Variants in ARB2A observed in about 807,000 individuals in gnomAD.
ARB2A encodes cotranscriptional regulator ARB2A.
At chr5:93,760,221 C>T in the ARB2A span, among the ~76,000 whole-genome samples, 4 of 152,092 alleles carry the variant, frequency 2.6e-5, no homozygotes, top group African/African-American at 7.2e-5. Context: ...ACAAGAAAAA[C>T]TTCAAAACAC....
chr5:93,920,135 C>T, the ARB2A span, among the ~76,000 whole-genome samples: 2 of 152,136 alleles, frequency 1.3e-5, no homozygotes, highest in Non-Finnish European at 1.5e-5. Flanking sequence ...GTAGTATAAA[C>T]CACTATATAC....
chr5:93,783,495 G>A, the ARB2A span, among the ~76,000 whole-genome samples: 2 of 152,024 alleles, frequency 1.3e-5, no homozygotes, highest in African/African-American at 4.8e-5. Context: ...CATGAAGGCT[G>A]GTAGAATTTA....
At chr5:93,961,504 G>A in the ARB2A span, among the ~76,000 whole-genome samples, 1 of 152,134 alleles carries the variant, frequency 6.6e-6, no homozygotes, top group Non-Finnish European at 1.5e-5. Flanking sequence ...GGGCAACATA[G>A]TGAGACCCTG....
the ARB2A span, among the ~76,000 whole-genome samples, chr5:93,723,239 A>T: frequency 2.0e-5 from 3 of 152,166 alleles, no homozygotes; most frequent in Non-Finnish European, 4.4e-5. Flanking sequence ...GCTGGGGGAT[A>T]GGATGCCCTA....
chr5:93,781,260 T>C, the ARB2A span, among the ~76,000 whole-genome samples: 2 of 152,186 alleles, frequency 1.3e-5, no homozygotes, highest in East Asian at 3.8e-4. Flanking sequence ...TGAGAACATG[T>C]GGTATTTGAC....
chr5:93,708,100 T>A, the ARB2A span, among the ~76,000 whole-genome samples: 1 of 152,196 alleles, frequency 6.6e-6, no homozygotes, highest in African/African-American at 2.4e-5. Context: ...TACATGTATT[T>A]TTTTTCCTCT....
At chr5:93,991,487 T>C in the ARB2A span, among the ~76,000 whole-genome samples, 28 of 151,852 alleles carry the variant, frequency 1.8e-4, no homozygotes, top group Admixed American at 3.9e-4. Flanking sequence ...TGATAGAGAT[T>C]ATGAAATTAG....
the ARB2A span, among the ~76,000 whole-genome samples, chr5:93,941,989 C>T: frequency 6.6e-6 from 1 of 152,078 alleles, no homozygotes; most frequent in Non-Finnish European, 1.5e-5. Flanking sequence ...TACAGAATGG[C>T]TTATCATATC....
the ARB2A span, among the ~76,000 whole-genome samples, chr5:93,747,264 A>AT: frequency 1.3e-5 from 2 of 152,056 alleles, no homozygotes; most frequent in Non-Finnish European, 2.9e-5. Flanking sequence ...AATTATTATT[A>AT]TTTTTTTAAA....
the ARB2A span, among the ~76,000 whole-genome samples, chr5:94,107,056 A>G: frequency 2.8e-3 from 421 of 152,144 alleles, 2 homozygotes; most frequent in African/African-American, 9.9e-3. Context: ...CCCCTGAACT[A>G]AAATAAAAGT....
chr5:93,764,519 T>C, the ARB2A span, among the ~76,000 whole-genome samples: 3 of 152,198 alleles, frequency 2.0e-5, no homozygotes, highest in Non-Finnish European at 2.9e-5. Flanking sequence ...AATCTCTGAA[T>C]AGACCAATAA....
At chr5:93,970,729 ACT>A in the ARB2A span, among the ~76,000 whole-genome samples, 1 of 152,058 alleles carries the variant, frequency 6.6e-6, no homozygotes, top group Admixed American at 6.5e-5. Flanking sequence ...TGATAATAAC[ACT>A]CTGTTTTCTG....
At chr5:94,088,172 G>C in the ARB2A span, among the ~76,000 whole-genome samples, 1 of 152,142 alleles carries the variant, frequency 6.6e-6, no homozygotes, top group Non-Finnish European at 1.5e-5. Flanking sequence ...AACAGGTACT[G>C]AGTAAACCTC....
chr5:93,964,405 C>T, the ARB2A span: 1 of 1,311,588 alleles, frequency 7.6e-7, no homozygotes, highest in Non-Finnish European at 1.1e-6. Context: ...AACTATTTTA[C>T]TTGGAAATAA....
chr5:94,072,289 T>C, the ARB2A span, among the ~76,000 whole-genome samples: 1 of 152,076 alleles, frequency 6.6e-6, no homozygotes, highest in African/African-American at 2.4e-5. Flanking sequence ...CTTCTGTATC[T>C]TGAATGTTTG....
chr5:93,802,115 T>C, the ARB2A span, among the ~76,000 whole-genome samples: 1 of 152,020 alleles, frequency 6.6e-6, no homozygotes, highest in Non-Finnish European at 1.5e-5. Context: ...AAAATTCAAA[T>C]ATTAAAAAAC....
the ARB2A span, among the ~76,000 whole-genome samples, chr5:94,023,164 A>C: frequency 6.6e-6 from 1 of 152,232 alleles, no homozygotes; most frequent in Non-Finnish European, 1.5e-5. Context: ...ACAAAATTGC[A>C]GTCAACCATT....
chr5:94,030,994 T>A, the ARB2A span, among the ~76,000 whole-genome samples: 1 of 152,208 alleles, frequency 6.6e-6, no homozygotes, highest in Non-Finnish European at 1.5e-5. Flanking sequence ...GTCTCCAGAA[T>A]TGTGAGCCAA....
the ARB2A span, among the ~76,000 whole-genome samples, chr5:93,814,266 C>G: frequency 6.6e-6 from 1 of 152,030 alleles, no homozygotes; most frequent in South Asian, 2.1e-4. Flanking sequence ...GTATGTCCAG[C>G]CAGGCTAGGC....
Sources: allele counts gnomAD v4.1 joint callset (sites outside exome capture counted in the v4.1 genomes callset), GRCh38; gene constraint gnomAD v4.1.1; transcripts MANE v1.5; gene names NCBI Gene and HGNC (gene_info 2026-07-23, HGNC 2026-07-21).